Variants in LMCD1 observed in about 807,000 individuals in gnomAD.
LMCD1 encodes LIM and cysteine-rich domains protein 1.
LMCD1 carries 32 observed loss-of-function variants against 42.7 expected under a neutral mutation model. The observed-to-expected ratio is 0.75, with a 90% confidence interval of 0.57 to 1.01. The LOEUF (loss-of-function observed/expected upper bound fraction) is 1.01, where lower values mean the gene tolerates loss of function less well. Among genes scored for constraint, LMCD1 ranks in the 50% least tolerant of loss-of-function variants. LMCD1 has a pLI of 0.00. For missense variants in LMCD1, 458 were observed against 483.1 expected (o/e 0.95, Z 0.49); for synonymous variants, 178 against 184.9 (o/e 0.96, Z 0.30).
At chr3:8,540,029 G>T (rs1694592997) in intron 3 of LMCD1, among the ~76,000 whole-genome samples, 1 of 151,088 alleles carries the variant, frequency 6.6e-6, no homozygotes, top group East Asian at 1.9e-4. Flanking sequence ...GTGTCCAAGT[G>T]TTCTTATTGT....
chr3:8,518,738 G>C (rs750862279), intron 1 of LMCD1, among the ~76,000 whole-genome samples: 2 of 152,148 alleles, frequency 1.3e-5, no homozygotes, highest in Non-Finnish European at 2.9e-5. Flanking sequence ...GAAACTATGA[G>C]TAGATTCTAA....
At chr3:8,508,399 A>G (rs1451224191) in intron 1 of LMCD1, among the ~76,000 whole-genome samples, 3 of 152,208 alleles carry the variant, frequency 2.0e-5, no homozygotes, top group African/African-American at 7.2e-5. Flanking sequence ...CCATTTGGCA[A>G]GTAACTCTAT....
At chr3:8,565,315 T>C in intron 4 of LMCD1, 117 bp from the exon 5 acceptor site, 1 of 803,862 alleles carries the variant, frequency 1.2e-6, no homozygotes, top group Non-Finnish European at 2.1e-6. Flanking sequence ...CACGAAGAGG[T>C]ATAGTGACTT....
In LMCD1 at chr3:8,515,934, C is replaced by T. The variant is rs575038992; in HGVS notation, c.42+13954C>T. On this transcript the variant is annotated intron_variant, in intron 1 of 5. Transcript: ENST00000157600. The stretch of plus-strand genomic sequence containing the variant: ...GGTGGGGGGAGTGGGGAGGAGACTT[C>T]GTGGTAGCATTTAGGAGGAATCTTA... Among the ~76,000 whole-genome samples, 23 of 151,936 alleles carry T rather than the reference C, an allele frequency of 1.5e-4. No individual in the cohort carries two copies. In the South Asian group the frequency reaches 4.0e-3, roughly 26 times the overall value.
rs923550342 is a variant in LMCD1 at position 8,516,869 on chromosome 3, T to G, written c.42+14889T>G. 7.2e-5 allele frequency among the ~76,000 whole-genome samples: 11 copies of G among 152,186 alleles called. 1 individual carries two copies. The stretch of plus-strand genomic sequence containing the variant: ...TCCTCAGAACCAAAACACCAGAAAT[T>G]TCAACCATGTCGTACCTTTGATGTG... On this transcript the variant is annotated intron_variant, in intron 1 of 5. Transcript: ENST00000157600.
At position 8,565,642 on chromosome 3, in the gene LMCD1, G is replaced by T; in HGVS notation, c.934G>T (p.Asp312Tyr). 1 of 1,594,486 alleles carries T rather than the reference G, an allele frequency of 6.3e-7. No individual in the cohort carries two copies. Among genetic ancestry groups the T allele is most frequent in the South Asian group, 1.1e-5 (1 of 89,056 alleles). Residue 312 changes from aspartate (D) to tyrosine (Y), a missense_variant, in exon 5 of 6, where the codon GAT becomes TAT. Coordinates refer to ENST00000157600, the MANE Select transcript of LMCD1 (RefSeq NM_014583.4). Reference protein sequence around the residue: ...ESLRPRCSGCDEIIFAEDYQR... With the variant: ...ESLRPRCSGCYEIIFAEDYQR... ...TCTGCGGCCCCGGTGCTCCGGCTGCGATGAGGTGGGAGATAGCCGCGAGAT... is the reference window on the plus strand; with the variant it reads ...TCTGCGGCCCCGGTGCTCCGGCTGCTATGAGGTGGGAGATAGCCGCGAGAT...
At chr3:8,539,459 C>A (rs112406480) in intron 3 of LMCD1, among the ~76,000 whole-genome samples, 4,413 of 152,234 alleles carry the variant, frequency 0.029, 121 homozygotes, top group African/African-American at 0.07. Flanking sequence ...AGAACAACAG[C>A]AGAGCCAGGA....
intron 3 of LMCD1, 194 bp downstream of exon 3, chr3:8,537,634 CT>C: frequency 1.7e-6 from 1 of 573,524 alleles, no homozygotes; most frequent in Non-Finnish European, 2.9e-6. Context: ...CTCGGTTTTC[CT>C]TATCCATGAA....
At chr3:8,519,855 A>G (rs1034400612) in intron 1 of LMCD1, among the ~76,000 whole-genome samples, 22 of 152,104 alleles carry the variant, frequency 1.4e-4, no homozygotes, top group Non-Finnish European at 3.2e-4. Context: ...GTGGTATTTT[A>G]CCATCAAGAC....
chr3:8,519,096 G>C (rs67668983), intron 1 of LMCD1, among the ~76,000 whole-genome samples: 10,607 of 152,228 alleles, frequency 0.07, 779 homozygotes, highest in African/African-American at 0.18. Context: ...TGGTAATAGA[G>C]CAATGAACTA....
chr3:8,560,389 A>AGT lies in LMCD1; in HGVS notation c.724-5040_724-5039dup, dbSNP rs564304138. Among the ~76,000 whole-genome samples the AGT allele has an allele frequency of 9.5e-4, 145 of 152,154 alleles. 2 individuals carry two copies. The Middle Eastern group carries it at 0.017, about 18-fold the overall frequency. The stretch of plus-strand genomic sequence containing the variant: ...GACCTGATATCCCCCTCCTTCCTTC[A>AGT]GTGTATCATCAGGGTGCCTGCCGGT... On this transcript the variant is annotated intron_variant, in intron 4 of 5. Transcript: ENST00000157600.
chr3:8,506,871 A>G (rs537314466), intron 1 of LMCD1, among the ~76,000 whole-genome samples: 30 of 152,322 alleles, frequency 2.0e-4, no homozygotes, highest in Non-Finnish European at 3.7e-4. Flanking sequence ...CCTCCAGCCC[A>G]CTGACTTTTC....
At position 8,544,149 on chromosome 3, in the gene LMCD1, CTT is replaced by C. The variant is rs574197714; in HGVS notation, c.388-4418_388-4417del. On this transcript the variant is annotated intron_variant, in intron 3 of 5. Coordinates refer to ENST00000157600, the MANE Select transcript of LMCD1 (RefSeq NM_014583.4). ...TTAGTGATATTGCTCTTCTCTCTCTCTTGGTTATGGTGACCATTGAATGAGAT... is the reference window on the plus strand; with the variant it reads ...TTAGTGATATTGCTCTTCTCTCTCTCGGTTATGGTGACCATTGAATGAGAT... 4.3e-4 allele frequency among the ~76,000 whole-genome samples: 65 copies of C among 151,776 alleles called. No individual in the cohort carries two copies. In the South Asian group the frequency reaches 0.013, roughly 30 times the overall value.
rs113245626 is a variant in LMCD1 at position 8,506,352 on chromosome 3, C to G, written c.42+4372C>G. On this transcript the variant is annotated intron_variant, in intron 1 of 5. Transcript: ENST00000157600. ...CTCTGAGGATGCTTGGTTTGATCCT[C>G]TCTTCATGCTAACTGACCAAAGGTG... Among the ~76,000 whole-genome samples, 265 of 152,274 alleles carry G rather than the reference C, an allele frequency of 1.7e-3. 2 individuals carry two copies. Among genetic ancestry groups the G allele is most frequent in the African/African-American group, 6.1e-3 (254 of 41,558 alleles).
chr3:8,559,544 G>T (rs1405984543), intron 4 of LMCD1, among the ~76,000 whole-genome samples: 2 of 152,180 alleles, frequency 1.3e-5, no homozygotes, highest in Admixed American at 6.5e-5. Flanking sequence ...GTCTGACTTG[G>T]TATCTCCCCT....
chr3:8,505,708 G>T (rs1398930820), intron 1 of LMCD1, among the ~76,000 whole-genome samples: 1 of 152,232 alleles, frequency 6.6e-6, no homozygotes, highest in Non-Finnish European at 1.5e-5. Context: ...TAAGTCCATT[G>T]CCAGGTCCAC....
intron 4 of LMCD1, among the ~76,000 whole-genome samples, chr3:8,555,074 G>A (rs537955981): frequency 5.6e-4 from 85 of 152,108 alleles, no homozygotes; most frequent in African/African-American, 1.9e-3. Context: ...ATAAAAACGC[G>A]TGAATATGGT....
intron 1 of LMCD1, among the ~76,000 whole-genome samples, chr3:8,526,691 C>T (rs1307958083): frequency 6.6e-6 from 1 of 152,210 alleles, no homozygotes; most frequent in East Asian, 1.9e-4. Context: ...TTCGCTGCTG[C>T]TGTGCTGCTG....
rs139037388 is a variant in LMCD1, at chr3:8,537,092, G to GC, written c.132-92dup. On this transcript the variant is annotated intron_variant, in intron 2 of 5. Transcript: ENST00000157600. ...CTAGTTTTTCCAACTTAAAGTTTTA[G>GC]CTTGCTTTCAAAAGGGTAGATGCTG... is the stretch of plus-strand genomic sequence containing the variant. The GC allele has an allele frequency of 7.8e-4, 1,095 of 1,409,154 alleles. 7 individuals are homozygous for GC. The African/African-American group carries it at 0.013, about 16-fold the overall frequency. The allele number at this position is 1,409,154 out of a possible 1,614,324, so 87.3% of individuals were successfully genotyped here. A position where few individuals can be genotyped will look rare whatever the true frequency, so the allele number is the denominator to read the frequency against.
Sources: gnomAD v4.1 joint callset for allele counts (sites outside exome capture counted in the v4.1 genomes callset) on GRCh38, gnomAD v4.1.1 for gene constraint, MANE v1.5 for transcripts, NCBI Gene and HGNC (gene_info 2026-07-23, HGNC 2026-07-21) for gene names.